AK7: variants seen among roughly 807,000 people sequenced by gnomAD.
AK7 encodes adenylate kinase 7.
A neutral mutation model predicts 96.6 loss-of-function variants in AK7; 78 were observed. The observed-to-expected ratio is 0.81, with a 90% CI of 0.67 to 0.97. The LOEUF (loss-of-function observed/expected upper bound fraction) is 0.97. AK7 is among the 50% of genes least tolerant of loss of function. AK7 has a pLI of 0.00. For synonymous variants in AK7, 302 were observed against 317.2 expected (o/e 0.95, Z 0.51); for missense variants, 855 against 887.9 (o/e 0.96, Z 0.47).
chr14:96,442,950 C>T (rs1595419861), intron 7 of AK7, 132 bp downstream of exon 7: 1 of 786,126 alleles, frequency 1.3e-6, no homozygotes, highest in Admixed American at 2.2e-5. Context: ...TCGTAACAAC[C>T]CTATGCAGAA....
chr14:96,397,334 C>T (rs1890139085), intron 1 of AK7, among the ~76,000 whole-genome samples: 1 of 151,978 alleles, frequency 6.6e-6, no homozygotes, highest in Admixed American at 6.6e-5. Flanking sequence ...CTGCAACTTC[C>T]ACCTCCCAGG....
intron 10 of AK7, among the ~76,000 whole-genome samples, chr14:96,454,937 G>A (rs61983061): frequency 1.5e-3 from 230 of 152,206 alleles, no homozygotes; most frequent in Non-Finnish European, 2.6e-3. Flanking sequence ...GGTCGAGGCG[G>A]GTGGATCACC....
chr14:96,446,373 A>G (rs1452725072), intron 7 of AK7, 144 bp from the exon 8 acceptor site: 1 of 674,810 alleles, frequency 1.5e-6, no homozygotes, highest in Non-Finnish European at 2.7e-6. Flanking sequence ...AACCATCCCA[A>G]CCCTGACCGT....
chr14:96,478,924 G>A (rs1381784323), intron 15 of AK7, among the ~76,000 whole-genome samples: 2 of 145,844 alleles, frequency 1.4e-5, no homozygotes, highest in African/African-American at 5.1e-5. Flanking sequence ...TTTTTTTTGT[G>A]GGGGGATGGA....
chr14:96,473,558 T>G (rs943004798), intron 14 of AK7, among the ~76,000 whole-genome samples: 1 of 151,814 alleles, frequency 6.6e-6, no homozygotes, highest in Non-Finnish European at 1.5e-5. Flanking sequence ...GCCAAAAGAA[T>G]CTTTTTGAGT....
In AK7 at chr14:96,471,484, T is replaced by A; in HGVS notation, c.1364T>A (p.Leu455Gln). The stretch of plus-strand genomic sequence containing the variant: ...ATATATGTTTTTTTATCAGGTCAAC[T>A]AGACGATCAATATATAATTAGATTT... Reference protein sequence around the residue: ...KESMEQNAGQLDDQYIIRFMK... With the variant: ...KESMEQNAGQQDDQYIIRFMK... Residue 455 changes from leucine to glutamine, a missense_variant, in exon 13 of 18, where the codon CTA (leucine) becomes CAA (glutamine). By Grantham distance (113) the Leu-to-Gln change is moderately radical. Coordinates refer to ENST00000267584, the MANE Select transcript of AK7 (RefSeq NM_152327.5). 6.9e-7 allele frequency: 1 copy of A among 1,447,304 alleles called. No homozygotes were observed. The highest frequency in any genetic ancestry group is 9.5e-7 in the Non-Finnish European group (1 of 1,051,426). The allele number at this position is 1,447,304 out of a possible 1,614,324, so 89.7% of individuals were successfully genotyped here.
At chr14:96,407,577 T>A (rs1890784259) in intron 3 of AK7, among the ~76,000 whole-genome samples, 1 of 44,834 alleles carries the variant, frequency 2.2e-5, no homozygotes, top group Non-Finnish European at 5.4e-5. Context: ...CTTTCTTTCT[T>A]TTCTTTTTTT....
At chr14:96,448,027 G>A (rs1893344780) in intron 8 of AK7, among the ~76,000 whole-genome samples, 1 of 151,602 alleles carries the variant, frequency 6.6e-6, no homozygotes, top group Admixed American at 6.6e-5. Context: ...TACTCAGGAG[G>A]CTGAGGTGGG....
intron 5 of AK7, among the ~76,000 whole-genome samples, chr14:96,436,704 G>A (rs1463001264): frequency 6.6e-6 from 1 of 152,074 alleles, no homozygotes; most frequent in Non-Finnish European, 1.5e-5. Context: ...TCCCCTGTTC[G>A]CCTGAAGAAG....
At chr14:96,430,313 G>C (rs991655073) in intron 5 of AK7, among the ~76,000 whole-genome samples, 1 of 151,262 alleles carries the variant, frequency 6.6e-6, no homozygotes, top group African/African-American at 2.4e-5. Flanking sequence ...AGCCTCCCGA[G>C]TAGCTGGGAC....
intron 3 of AK7, 77 bp from the exon 4 acceptor site, chr14:96,408,770 G>A (rs926464695): frequency 8.9e-6 from 12 of 1,353,302 alleles, no homozygotes; most frequent in Non-Finnish European, 1.3e-5. Context: ...GCTCCTACTG[G>A]TGACTAATAG....
In AK7 at chr14:96,488,515, TAA is replaced by T. The variant is rs538843080; in HGVS notation, c.*175_*176del. 6.1e-4 allele frequency: 318 copies of T among 520,924 alleles called. 2 individuals are homozygous for T. Among genetic ancestry groups the T allele is most frequent in the African/African-American group, 4.7e-3 (250 of 52,632 alleles). 32.3% of individuals were successfully genotyped at this position (520,924 alleles called of 1,614,324 possible). On this transcript the variant is annotated 3_prime_UTR_variant, in exon 18 of 18. Coordinates refer to ENST00000267584, the MANE Select transcript of AK7 (RefSeq NM_152327.5). Reference sequence around the variant, plus strand: ...AAGCTATATGACATGACTATGTCATTAAAACTATATTTGAAATGTAAATTGAT... The same window carrying T: ...AAGCTATATGACATGACTATGTCATTAACTATATTTGAAATGTAAATTGAT...
At chr14:96,456,549 G>A in intron 11 of AK7, 74 bp downstream of exon 11, 10 of 1,529,028 alleles carry the variant, frequency 6.5e-6, no homozygotes, top group Non-Finnish European at 8.9e-6. Context: ...AGATGTATAT[G>A]ATTCGAATTA....
rs1894604019 is a variant in AK7, at chr14:96,467,017, G to C, written c.1358-4461G>C. Among the ~76,000 whole-genome samples the C allele has an allele frequency of 2.8e-5, 4 of 143,456 alleles. No individual in the cohort carries two copies. In the Admixed American group the frequency reaches 2.9e-4, roughly 10 times the overall value. The allele number at this position is 143,456 out of a possible 152,430, so 94.1% of individuals were successfully genotyped here. A position where few individuals can be genotyped will look rare whatever the true frequency, so the allele number is the denominator to read the frequency against. The stretch of plus-strand genomic sequence containing the variant: ...ATAACCAACAACTCAGAATATTACT[G>C]AGGAAATCTGTAAGTGTAGACGAAT... On this transcript the variant is annotated intron_variant, in intron 12 of 17. Coordinates refer to ENST00000267584, the MANE Select transcript of AK7 (RefSeq NM_152327.5).
At chr14:96,478,887 G>A (rs1380709225) in intron 15 of AK7, among the ~76,000 whole-genome samples, 3 of 151,490 alleles carry the variant, frequency 2.0e-5, no homozygotes, top group African/African-American at 7.3e-5. Flanking sequence ...TGGATATATT[G>A]TGAAGTCAAA....
At chr14:96,482,471 T>C (rs1450044403) in intron 15 of AK7, among the ~76,000 whole-genome samples, 2 of 152,208 alleles carry the variant, frequency 1.3e-5, no homozygotes, top group African/African-American at 4.8e-5. Context: ...ACCATTTCTC[T>C]TTTTCTTCTC....
At chr14:96,451,846 A>T (rs1893624881) in intron 10 of AK7, among the ~76,000 whole-genome samples, 1 of 152,180 alleles carries the variant, frequency 6.6e-6, no homozygotes, top group African/African-American at 2.4e-5. Flanking sequence ...TGTATGCAAA[A>T]TTATCTAATT....
intron 5 of AK7, among the ~76,000 whole-genome samples, chr14:96,435,029 T>C (rs1892564067): frequency 1.3e-5 from 2 of 152,082 alleles, no homozygotes; most frequent in Admixed American, 1.3e-4. Flanking sequence ...CCAGGGCAGG[T>C]CCAGAAATGC....
intron 8 of AK7, among the ~76,000 whole-genome samples, chr14:96,447,345 C>T (rs376574798): frequency 1.3e-5 from 2 of 152,200 alleles, no homozygotes; most frequent in East Asian, 1.9e-4. Context: ...TACAGAGTCT[C>T]GCTCTTTCGC....
Sources: gnomAD v4.1 joint callset for allele counts (sites outside exome capture counted in the v4.1 genomes callset) on GRCh38, gnomAD v4.1.1 for gene constraint, MANE v1.5 for transcripts, NCBI Gene and HGNC (gene_info 2026-07-23, HGNC 2026-07-21) for gene names.